The following MAGI2 variants were observed in gnomAD, a reference collection of about 807,000 sequenced individuals.
MAGI2 encodes membrane associated guanylate kinase, WW and PDZ domain containing 2.
In MAGI2, 35 loss-of-function variants were observed where a neutral mutation model predicts 133.3. The ratio of observed to expected loss-of-function variants is 0.26; its 90% CI spans 0.20 to 0.35. The LOEUF is 0.35. Ranked by LOEUF, MAGI2 falls within the 10% of genes least tolerant of loss-of-function variation. The pLI, the probability that MAGI2 is intolerant of heterozygous loss-of-function variation, is 1.00. For missense variants in MAGI2, 1,636 were observed against 1,863.4 expected (o/e 0.88, Z 2.25); for synonymous variants, 729 against 710.6 (o/e 1.03, Z -0.41).
At chr7:78,085,387 C>T (rs1816503301) in intron 20 of MAGI2, among the ~76,000 whole-genome samples, 1 of 151,802 alleles carries the variant, frequency 6.6e-6, no homozygotes. Context: ...AAACATTTGC[C>T]AGGTGTGGTG....
In MAGI2 at chr7:78,019,995, G is replaced by C. The variant is rs886814088; in HGVS notation, c.3707-19C>G. ...GGTTCGTCTGTGGACGGGAAGCACA[G>C]GCGTTAGCAGTGGCGCACGCAGGAC... is the stretch of plus-strand genomic sequence containing the variant. On this transcript the variant is annotated intron_variant, in intron 21 of 21. Transcript: ENST00000354212. 6 of 1,583,818 alleles carry C rather than the reference G, an allele frequency of 3.8e-6. No homozygotes were observed. The highest frequency in any genetic ancestry group is 5.1e-6 in the Non-Finnish European group (6 of 1,169,244).
At chr7:78,682,627 G>A (rs1399419549) in intron 2 of MAGI2, among the ~76,000 whole-genome samples, 1 of 152,152 alleles carries the variant, frequency 6.6e-6, no homozygotes, top group African/African-American at 2.4e-5. Flanking sequence ...TATCATTGAT[G>A]GGCGTTTGGG....
intron 1 of MAGI2, among the ~76,000 whole-genome samples, chr7:79,226,340 G>A (rs751670623): frequency 1.4e-4 from 21 of 151,976 alleles, no homozygotes; most frequent in African/African-American, 2.2e-4. Context: ...GAGAGTTACC[G>A]AAGCATTGCA....
At chr7:79,324,558 C>T (rs1585573390) in intron 1 of MAGI2, among the ~76,000 whole-genome samples, 1 of 26,754 alleles carries the variant, frequency 3.7e-5, no homozygotes, top group African/African-American at 1.3e-4. Context: ...TACATATATA[C>T]ACATATAACC....
At chr7:79,451,638 T>C (rs1163570722) in intron 1 of MAGI2, among the ~76,000 whole-genome samples, 1 of 152,214 alleles carries the variant, frequency 6.6e-6, no homozygotes, top group African/African-American at 2.4e-5. Context: ...TCTTTTTATC[T>C]TGTTTATTTT....
intron 1 of MAGI2, among the ~76,000 whole-genome samples, chr7:79,080,515 T>G (rs1041830096): frequency 1.3e-5 from 2 of 152,158 alleles, no homozygotes; most frequent in African/African-American, 4.8e-5. Context: ...AAATAGTGTT[T>G]AAAGGCTTTC....
At chr7:79,141,055 T>C (rs1822081670) in intron 1 of MAGI2, among the ~76,000 whole-genome samples, 1 of 152,218 alleles carries the variant, frequency 6.6e-6, no homozygotes, top group Admixed American at 6.5e-5. Flanking sequence ...CAGTTGTTTA[T>C]AAGTACTTGG....
rs144531603 is a variant in MAGI2, at chr7:78,869,925, C to T, written c.418+137165G>A. ...GTAAGTATTTGGCTTTATTTCTGGG[C>T]TCTCTATTCTGCTTCATTGGTCTTT... On this transcript the variant is annotated intron_variant, in intron 2 of 21. Coordinates refer to ENST00000354212, the MANE Select transcript of MAGI2 (RefSeq NM_012301.4). Among the ~76,000 whole-genome samples, 477 of 152,176 alleles carry T rather than the reference C, an allele frequency of 3.1e-3. 4 individuals carry two copies. Among genetic ancestry groups the T allele is most frequent in the African/African-American group, 0.011 (452 of 41,516 alleles).
intron 1 of MAGI2, among the ~76,000 whole-genome samples, chr7:79,274,327 G>C (rs540296726): frequency 2.4e-4 from 37 of 152,014 alleles, no homozygotes; most frequent in Non-Finnish European, 5.3e-4. Context: ...GTTTGGCACA[G>C]GAACTTTCTA....
At chr7:78,869,783 C>A (rs1794874998) in intron 2 of MAGI2, among the ~76,000 whole-genome samples, 1 of 152,156 alleles carries the variant, frequency 6.6e-6, no homozygotes, top group Non-Finnish European at 1.5e-5. Context: ...TAGGTTCCTC[C>A]CTCAACACCT....
At chr7:79,191,414 T>C (rs1263881248) in intron 1 of MAGI2, among the ~76,000 whole-genome samples, 2,199 of 105,620 alleles carry the variant, frequency 0.021, 45 homozygotes, top group East Asian at 0.039. Context: ...TTTTTTTTTT[T>C]TTTTTTTTTT....
chr7:79,078,271 C>T (rs1361722877), intron 1 of MAGI2, among the ~76,000 whole-genome samples: 1 of 145,462 alleles, frequency 6.9e-6, no homozygotes, highest in Non-Finnish European at 1.5e-5. Context: ...CTTAGTACAA[C>T]TGAATACAAA....
intron 4 of MAGI2, among the ~76,000 whole-genome samples, chr7:78,520,277 C>A (rs931293458): frequency 6.6e-6 from 1 of 152,022 alleles, no homozygotes; most frequent in Non-Finnish European, 1.5e-5. Flanking sequence ...TGAAGAACAC[C>A]TTTATAGGCA....
intron 5 of MAGI2, among the ~76,000 whole-genome samples, chr7:78,495,443 A>G (rs1255782618): frequency 1.3e-5 from 2 of 152,240 alleles, no homozygotes; most frequent in Non-Finnish European, 2.9e-5. Flanking sequence ...TTTACACCAT[A>G]GTCAATAAAA....
chr7:78,968,951 G>T (rs1207879967), intron 2 of MAGI2, among the ~76,000 whole-genome samples: 3 of 151,952 alleles, frequency 2.0e-5, no homozygotes, highest in Non-Finnish European at 4.4e-5. Flanking sequence ...TCAATAAAAA[G>T]CAGCCTCCAA....
intron 10 of MAGI2, among the ~76,000 whole-genome samples, chr7:78,243,224 TACACACACACACACACAC>T (rs539437959): frequency 7.8e-5 from 11 of 140,720 alleles, no homozygotes; most frequent in African/African-American, 2.2e-4. Context: ...ATGGTTCAGA[TACACACACACACACACAC>T]ACACACACAC....
At chr7:78,655,007 G>A (rs1812012459) in intron 2 of MAGI2, among the ~76,000 whole-genome samples, 1 of 151,472 alleles carries the variant, frequency 6.6e-6, no homozygotes, top group Admixed American at 6.6e-5. Context: ...GCTGTTTCAG[G>A]ATAAATGCTT....
rs552600178 is a variant in MAGI2 at position 79,125,972 on chromosome 7, G to C, written c.302-118766C>G. Among the ~76,000 whole-genome samples, 3 of 152,320 alleles carry C rather than the reference G, an allele frequency of 2.0e-5. No homozygotes were observed. In the South Asian group the frequency reaches 6.2e-4, roughly 32 times the overall value. ...CATGTTTTAGAAAACACTCATATGC[G>C]TAGGCAAAAAAACTTAAGGGCTGTA... On this transcript the variant is annotated intron_variant, in intron 1 of 21. Transcript: ENST00000354212.
intron 2 of MAGI2, among the ~76,000 whole-genome samples, chr7:78,783,968 A>T (rs984235403): frequency 1.3e-5 from 2 of 152,174 alleles, no homozygotes; most frequent in Admixed American, 6.5e-5. Flanking sequence ...TCTTTGACTG[A>T]GTCTGGGATA....
Sources: allele counts gnomAD v4.1 joint callset (sites outside exome capture counted in the v4.1 genomes callset), GRCh38; gene constraint gnomAD v4.1.1; transcripts MANE v1.5; gene names NCBI Gene and HGNC (gene_info 2026-07-23, HGNC 2026-07-21).